The following SRFBP1 variants were observed in gnomAD, a reference collection of about 807,000 sequenced individuals.
The protein encoded by SRFBP1 is serum response factor-binding protein 1.
Under a neutral mutation model 45.5 loss-of-function variants are expected in SRFBP1, and 47 were observed. The ratio of observed to expected loss-of-function variants is 1.03; its 90% CI spans 0.82 to 1.32. The LOEUF is 1.32. Among genes scored for constraint, SRFBP1 ranks in the 40% most tolerant of loss-of-function variants. SRFBP1 has a pLI of 0.00. For synonymous variants in SRFBP1, 203 were observed against 166.3 expected (o/e 1.22, Z -1.70); for missense variants, 621 against 484.6 (o/e 1.28, Z -2.64).
chr5:122,056,420 G>A (rs910372040), intron 2 of SRFBP1, among the ~76,000 whole-genome samples: 6 of 152,168 alleles, frequency 3.9e-5, no homozygotes, highest in African/African-American at 1.4e-4. Flanking sequence ...AGAGCAATTT[G>A]ACAAGCACTC....
chr5:122,041,123 G>A (rs1318054523), intron 2 of SRFBP1, among the ~76,000 whole-genome samples: 9 of 152,244 alleles, frequency 5.9e-5, no homozygotes, highest in African/African-American at 2.2e-4. Flanking sequence ...AATAGCTGTA[G>A]TCACCAGTTA....
intron 2 of SRFBP1, among the ~76,000 whole-genome samples, chr5:122,036,678 C>T (rs887469023): frequency 5.9e-5 from 9 of 152,064 alleles, no homozygotes; most frequent in African/African-American, 1.9e-4. Context: ...TGTGAGCTTC[C>T]CTGGTTGACA....
At chr5:122,018,587 G>T (rs1207166375) in intron 4 of SRFBP1, among the ~76,000 whole-genome samples, 1 of 152,216 alleles carries the variant, frequency 6.6e-6, no homozygotes, top group African/African-American at 2.4e-5. Flanking sequence ...TCAAATAGAT[G>T]TCAGGTTAGG....
chr5:121,986,435 G>A (rs1209930475), intron 3 of SRFBP1, among the ~76,000 whole-genome samples: 1 of 152,114 alleles, frequency 6.6e-6, no homozygotes, highest in South Asian at 2.1e-4. Context: ...TTATAATTAG[G>A]TTGATCATAT....
chr5:122,034,773 T>TAA (rs946995434), intron 2 of SRFBP1, among the ~76,000 whole-genome samples: 16 of 145,862 alleles, frequency 1.1e-4, no homozygotes, highest in African/African-American at 3.0e-4. Flanking sequence ...GCAGATTTCT[T>TAA]AAAAAAAAAA....
downstream of SRFBP1, chr5:122,077,744 T>G (rs1443211671): frequency 1.3e-6 from 2 of 1,567,978 alleles, no homozygotes; most frequent in South Asian, 2.3e-5. This position sits in a 1 kb window ranked among gnomAD's most constrained non-coding sequence, Gnocchi z 4.9. Flanking sequence ...GGCGGAGGCG[T>G]TGGCTGCACC....
downstream of SRFBP1, chr5:122,076,773 C>A: frequency 1.3e-6 from 1 of 798,044 alleles, no homozygotes; most frequent in South Asian, 1.6e-5. Flanking sequence ...GTCCCACTTC[C>A]CAGCTCTTGT....
chr5:121,963,241 A>G (rs912107042), intron 1 of SRFBP1, among the ~76,000 whole-genome samples: 1 of 152,214 alleles, frequency 6.6e-6, no homozygotes, highest in Non-Finnish European at 1.5e-5. Flanking sequence ...AAACTGAAAT[A>G]TATTCTCTGC....
chr5:122,047,528 G>A (rs1342066596), intron 2 of SRFBP1, among the ~76,000 whole-genome samples: 6 of 152,196 alleles, frequency 3.9e-5, no homozygotes, highest in Middle Eastern at 3.4e-3. Context: ...TTGGCAATGC[G>A]GGCTCTTTTT....
chr5:122,069,615 G>A (rs901326459), intron 2 of SRFBP1, among the ~76,000 whole-genome samples: 10 of 152,220 alleles, frequency 6.6e-5, no homozygotes, highest in African/African-American at 2.4e-4. Context: ...ACAGACCAGA[G>A]GGGGCTGAAC....
At chr5:122,003,690 G>A (rs906864986) in intron 4 of SRFBP1, among the ~76,000 whole-genome samples, 1 of 152,084 alleles carries the variant, frequency 6.6e-6, no homozygotes, top group African/African-American at 2.4e-5. Flanking sequence ...ATGTATAAGA[G>A]TTCCCTTTTC....
At chr5:122,033,804 A>G (rs1002444224) in intron 2 of SRFBP1, among the ~76,000 whole-genome samples, 1 of 133,012 alleles carries the variant, frequency 7.5e-6, no homozygotes, top group Admixed American at 7.5e-5. Context: ...GACCTTAGAT[A>G]TTCTTTTATT....
intron 3 of SRFBP1, among the ~76,000 whole-genome samples, chr5:121,979,088 G>GA (rs982385871): frequency 2.5e-4 from 38 of 151,776 alleles, no homozygotes; most frequent in South Asian, 1.2e-3. Context: ...ATCACAAATA[G>GA]AAAAAAATAG....
Position 121,994,617 on chromosome 5 carries a change from G to A in SRFBP1, c.217G>A (p.Val73Ile). The A allele has an allele frequency of 6.3e-7, 1 of 1,595,768 alleles. No homozygotes were observed. The highest frequency in any genetic ancestry group is 8.5e-7 in the Non-Finnish European group (1 of 1,172,420). ...HAMKELKPDI[V>I]TKSALGDDIN... ...TTCACAGGAATTGAAACCTGACATA[G>A]TAACTAAATCTGCTCTTGGTGATGA... Residue 73 changes from valine to isoleucine, a missense_variant, in exon 4 of 8, where the codon GTA (valine) becomes ATA (isoleucine). Coordinates refer to ENST00000339397, the MANE Select transcript of SRFBP1 (RefSeq NM_152546.3).
At chr5:122,075,486 G>A in exon 3 of SRFBP1, 1 of 1,613,428 alleles carries the variant, frequency 6.2e-7, no homozygotes, top group Non-Finnish European at 8.5e-7. Flanking sequence ...ACTCTTTGGG[G>A]AAATCTGAGC....
intron 6 of SRFBP1, 106 bp from the exon 7 acceptor site, chr5:122,022,264 T>C (rs1419921419): frequency 3.6e-6 from 3 of 842,206 alleles, no homozygotes; most frequent in Non-Finnish European, 5.6e-6. Flanking sequence ...GACTAAGGAG[T>C]ATAGTGGCCC....
At position 122,044,755 on chromosome 5, in the gene SRFBP1, T is replaced by C. The variant is rs191504202; in HGVS notation, n.311+22348T>C. Among the ~76,000 whole-genome samples, 759 of 152,260 alleles carry C rather than the reference T, an allele frequency of 5.0e-3. 9 individuals are homozygous for C. The highest frequency in any genetic ancestry group is 0.017 in the African/African-American group (716 of 41,572). On this transcript the variant is annotated intron_variant and non_coding_transcript_variant, in intron 2 of 2. Coordinates refer to the SRFBP1 transcript ENST00000504881. The stretch of plus-strand genomic sequence containing the variant: ...TAAATTCCTTATAGATTCTGGATAT[T>C]AGATCTTTGTTGGATGCATTGTTTG...
chr5:122,070,642 A>T (rs1754423651), intron 2 of SRFBP1: 3 of 886,696 alleles, frequency 3.4e-6, no homozygotes. Context: ...TCAGACTATG[A>T]TAAATAATAT....
intron 2 of SRFBP1, among the ~76,000 whole-genome samples, chr5:122,036,326 T>G (rs1183026717): frequency 2.0e-5 from 3 of 152,126 alleles, no homozygotes; most frequent in Non-Finnish European, 4.4e-5. Flanking sequence ...TATATCTATG[T>G]GACTGACCCC....
Sources: allele counts gnomAD v4.1 joint callset (sites outside exome capture counted in the v4.1 genomes callset), GRCh38; gene constraint gnomAD v4.1.1; non-coding constraint Gnocchi (gnomAD v3.1); transcripts MANE v1.5; gene names NCBI Gene and HGNC (gene_info 2026-07-23, HGNC 2026-07-21).